ZNF215: variants seen among roughly 807,000 people sequenced by gnomAD.
ZNF215 encodes the protein BWSCR2-associated zinc finger protein 2.
A neutral mutation model predicts 27.2 loss-of-function variants in ZNF215; 24 were observed. The observed-to-expected ratio is 0.88, with a 90% confidence interval of 0.64 to 1.24. The LOEUF is 1.24. Among genes scored for constraint, ZNF215 ranks in the 50% most tolerant of loss-of-function variants. ZNF215 has a pLI of 0.00. For synonymous variants in ZNF215, 210 were observed against 204.0 expected, an observed-to-expected ratio of 1.03 and a Z score of -0.25; for missense variants, 675 against 605.7, an observed-to-expected ratio of 1.11 and a Z score of -1.20.
At chr11:6,953,649 A>C (rs1272123846) in intron 6 of ZNF215, among the ~76,000 whole-genome samples, 1 of 152,144 alleles carries the variant, frequency 6.6e-6, no homozygotes. Flanking sequence ...AAATTTTTTC[A>C]AAGTTTTCAC....
intron 1 of ZNF215, among the ~76,000 whole-genome samples, chr11:6,927,081 G>A (rs1378118129): frequency 1.3e-5 from 2 of 152,160 alleles, no homozygotes; most frequent in Non-Finnish European, 2.9e-5. Context: ...GCGCAGAGTG[G>A]TTAGTATGTT....
At chr11:6,979,213 T>A (rs1024904420) in intron 5 of ZNF215, among the ~76,000 whole-genome samples, 1 of 151,990 alleles carries the variant, frequency 6.6e-6, no homozygotes, top group Non-Finnish European at 1.5e-5. Context: ...GTACTCTGAG[T>A]GACATAGTAG....
At chr11:6,971,883 G>C (rs917839112) in intron 5 of ZNF215, among the ~76,000 whole-genome samples, 1 of 152,156 alleles carries the variant, frequency 6.6e-6, no homozygotes, top group Non-Finnish European at 1.5e-5. Context: ...GTTAGCCATT[G>C]TCTCTTAGGA....
chr11:6,990,912 G>A (rs538664478), downstream of ZNF215, among the ~76,000 whole-genome samples: 3 of 152,144 alleles, frequency 2.0e-5, no homozygotes, highest in Non-Finnish European at 4.4e-5. Context: ...GGAAAAATGA[G>A]AATCAAGCAA....
Position 6,943,231 on chromosome 11 carries a change from T to C in ZNF215, c.616+16T>C. 2 of 1,600,960 alleles carry C rather than the reference T, an allele frequency of 1.2e-6. No homozygotes were observed. Among genetic ancestry groups the C allele is most frequent in the Non-Finnish European group, 1.7e-6 (2 of 1,175,182 alleles). ...TTGCGTAAAGGTGGTTTCTATATGTTTACCTAATCTGTCCATTTAGTAATC... is the reference window on the plus strand; with the variant it reads ...TTGCGTAAAGGTGGTTTCTATATGTCTACCTAATCTGTCCATTTAGTAATC... On this transcript the variant is annotated intron_variant, in intron 5 of 6. Transcript: ENST00000278319.
At chr11:6,952,704 T>G (rs902551985) in intron 6 of ZNF215, among the ~76,000 whole-genome samples, 4 of 152,192 alleles carry the variant, frequency 2.6e-5, no homozygotes, top group Admixed American at 1.3e-4. Context: ...CCAGTCCGTG[T>G]CTTTTAATTG....
At chr11:6,969,803 C>T (rs765150009) in intron 5 of ZNF215, among the ~76,000 whole-genome samples, 8 of 151,986 alleles carry the variant, frequency 5.3e-5, no homozygotes, top group Non-Finnish European at 7.4e-5. Context: ...TTTTTTGAGA[C>T]GGATTCTCGC....
intron 6 of ZNF215, among the ~76,000 whole-genome samples, chr11:6,944,420 C>T (rs1382671889): frequency 7.3e-6 from 1 of 137,588 alleles, no homozygotes; most frequent in Admixed American, 7.2e-5. Flanking sequence ...TAAACTGTAT[C>T]ACTTATTTTA....
downstream of ZNF215, among the ~76,000 whole-genome samples, chr11:6,990,317 T>C (rs978710471): frequency 8.5e-5 from 13 of 152,142 alleles, no homozygotes; most frequent in Non-Finnish European, 1.5e-4. Context: ...GGGAAATCTT[T>C]CCAGTGGCAA....
At chr11:6,933,610 A>AC (rs1849339380) in intron 3 of ZNF215, among the ~76,000 whole-genome samples, 1 of 151,412 alleles carries the variant, frequency 6.6e-6, no homozygotes, top group Admixed American at 6.6e-5. Context: ...ACATGGTGAA[A>AC]CCCCGTCTCT....
intron 5 of ZNF215, among the ~76,000 whole-genome samples, chr11:6,971,719 T>C (rs1006504629): frequency 6.6e-6 from 1 of 151,968 alleles, no homozygotes; most frequent in African/African-American, 2.4e-5. Context: ...TAGGAAGAAA[T>C]ATATGGAATG....
chr11:6,977,127 C>A (rs529035141), intron 5 of ZNF215, among the ~76,000 whole-genome samples: 3 of 152,126 alleles, frequency 2.0e-5, no homozygotes, highest in Non-Finnish European at 4.4e-5. Context: ...TTCCAAATAC[C>A]TCAAATGTGA....
At chr11:6,940,818 A>G (rs1470996997) in intron 3 of ZNF215, among the ~76,000 whole-genome samples, 1 of 152,232 alleles carries the variant, frequency 6.6e-6, no homozygotes, top group Non-Finnish European at 1.5e-5. Flanking sequence ...TTAAATCAAT[A>G]ATTAACATAT....
chr11:6,965,746 A>G lies in ZNF215; in HGVS notation c.805+9964A>G, dbSNP rs146887721. On this transcript the variant is annotated intron_variant, in intron 5 of 5. Transcript: ENST00000529903. ...GTATACAATTATTTCATATTGACTT[A>G]GCTTCCTATGAGGGTGCTAAATTCA... 3.2e-3 allele frequency among the ~76,000 whole-genome samples: 487 copies of G among 152,262 alleles called. 3 individuals carry two copies. Among genetic ancestry groups the G allele is most frequent in the South Asian group, 9.3e-3 (45 of 4,826 alleles).
chr11:6,932,121 G>A lies in ZNF215; in HGVS notation c.-152G>A, dbSNP rs1376978241. On this transcript the variant is annotated 5_prime_UTR_variant, in exon 3 of 7. The change creates a new upstream start codon in the 5' untranslated region. Coordinates refer to ENST00000278319, the MANE Select transcript of ZNF215 (RefSeq NM_013250.4). Reference sequence around the variant, plus strand: ...GCTCAGGTACCTGAATATTGGCTTTGTGTCTAAAGTTTCTGGAACTTTCCT... The same window carrying A: ...GCTCAGGTACCTGAATATTGGCTTTATGTCTAAAGTTTCTGGAACTTTCCT... 12 of 892,238 alleles carry A rather than the reference G, an allele frequency of 1.3e-5. No individual in the cohort carries two copies. The highest frequency in any genetic ancestry group is 2.0e-5 in the Non-Finnish European group (12 of 608,794). 55.3% of individuals were successfully genotyped at this position (892,238 alleles called of 1,614,324 possible). A position where few individuals can be genotyped will look rare whatever the true frequency, so the allele number is the denominator to read the frequency against.
At chr11:6,950,658 T>C (rs1247322655) in intron 6 of ZNF215, among the ~76,000 whole-genome samples, 5 of 151,342 alleles carry the variant, frequency 3.3e-5, no homozygotes, top group African/African-American at 4.9e-5. Context: ...TTTCTAGATA[T>C]ACAATCATGT....
chr11:6,934,568 A>G (rs887499969), intron 3 of ZNF215, among the ~76,000 whole-genome samples: 1 of 152,152 alleles, frequency 6.6e-6, no homozygotes, highest in Non-Finnish European at 1.5e-5. Flanking sequence ...CTTCAAAGCT[A>G]GCAACAATGG....
intron 5 of ZNF215, 150 bp downstream of exon 5, chr11:6,943,365 C>A: frequency 7.7e-7 from 1 of 1,304,224 alleles, no homozygotes; most frequent in East Asian, 2.3e-5. Flanking sequence ...TTTTCTGACT[C>A]ATCTGGATGA....
At chr11:6,963,854 A>C (rs1850564363) in intron 5 of ZNF215, among the ~76,000 whole-genome samples, 1 of 152,102 alleles carries the variant, frequency 6.6e-6, no homozygotes, top group Non-Finnish European at 1.5e-5. Context: ...TTGGCTCACA[A>C]AAAATAACTG....
Sources: allele counts gnomAD v4.1 joint callset (sites outside exome capture counted in the v4.1 genomes callset), GRCh38; gene constraint gnomAD v4.1.1; transcripts MANE v1.5; gene names NCBI Gene and HGNC (gene_info 2026-07-23, HGNC 2026-07-21).